Variants in WT1 observed in about 807,000 individuals in gnomAD.
WT1 encodes Wilms tumor protein.
A neutral mutation model predicts 60.8 loss-of-function variants in WT1; 8 were observed. That is an observed-to-expected ratio of 0.13 (90% CI 0.08 to 0.24). The LOEUF (loss-of-function observed/expected upper bound fraction) is 0.24. Among genes scored for constraint, WT1 ranks in the 10% least tolerant of loss-of-function variants. WT1 has a pLI of 1.00. For synonymous variants in WT1, 312 were observed against 297.1 expected, an observed-to-expected ratio of 1.05 and a Z score of -0.52; for missense variants, 568 against 711.8, an observed-to-expected ratio of 0.80 and a Z score of 2.30.
At chr11:32,427,919 C>T (rs1466096736) in intron 3 of WT1, 37 bp downstream of exon 3, 1 of 1,578,488 alleles carries the variant, frequency 6.3e-7, no homozygotes, top group African/African-American at 1.3e-5. Context: ...CCTCCGGGGT[C>T]CCAAGGACCC....
At chr11:32,411,500 T>A (rs1020430296) in intron 5 of WT1, among the ~76,000 whole-genome samples, 2 of 152,210 alleles carry the variant, frequency 1.3e-5, no homozygotes, top group Non-Finnish European at 2.9e-5. Context: ...GGAAAGGGTC[T>A]AAAATTTTGT....
intron 3 of WT1, among the ~76,000 whole-genome samples, chr11:32,420,729 A>G (rs11824258): frequency 0.33 from 50,928 of 152,042 alleles, 9,868 homozygotes; most frequent in East Asian, 0.73. Context: ...GAGGTGAAAG[A>G]GAATATGCTC....
rs541712729 is a variant in WT1, at chr11:32,425,041, G to T, written c.887+2915C>A. 2.6e-5 allele frequency among the ~76,000 whole-genome samples: 4 copies of T among 152,272 alleles called. No individual in the cohort carries two copies. The East Asian group carries it at 7.7e-4, about 29-fold the overall frequency. On this transcript the variant is annotated intron_variant, in intron 3 of 9. Coordinates refer to ENST00000452863, the MANE Select transcript of WT1 (RefSeq NM_024426.6). ...AAAAATACAAAAATTAGCTGGGCAT[G>T]GTGGCCAGCACCTATAATCTCAGCT...
chr11:32,416,184 A>G (rs1175934042), intron 5 of WT1, among the ~76,000 whole-genome samples: 1 of 152,240 alleles, frequency 6.6e-6, no homozygotes, highest in Admixed American at 6.5e-5. Flanking sequence ...ATGTGGCATT[A>G]TGGTTGTAAT....
At chr11:32,416,814 A>T (rs928886505) in intron 4 of WT1, among the ~76,000 whole-genome samples, 1 of 151,892 alleles carries the variant, frequency 6.6e-6, no homozygotes, top group African/African-American at 2.4e-5. Flanking sequence ...AAGTAACTTA[A>T]CCCTCTGAGC....
At chr11:32,427,220 G>T (rs543672023) in intron 3 of WT1, among the ~76,000 whole-genome samples, 2 of 152,256 alleles carry the variant, frequency 1.3e-5, no homozygotes, top group Non-Finnish European at 2.9e-5. Context: ...TCGCAGACGC[G>T]GGCGGCCGGC....
chr11:32,425,761 T>C (rs1427165887), intron 3 of WT1, among the ~76,000 whole-genome samples: 1 of 152,228 alleles, frequency 6.6e-6, no homozygotes, highest in African/African-American at 2.4e-5. Context: ...AGTATTTTTA[T>C]TGGATTTGTG....
rs1590395740 is a variant in WT1, at chr11:32,428,557, C to T, written c.724G>A (p.Ala242Thr). ...TTGAATGAGTGGTTGGGGAACTGCG[C>T]CGCATGGTGCGAGGGCGTGTGACCG... is the stretch of plus-strand genomic sequence containing the variant. The change falls in exon 2 of 10, where the codon GCG (alanine) becomes ACG (threonine). Residue 242 changes from alanine (A) to threonine (T), a missense_variant. Around this residue, in one of 3 missense-constraint regions of WT1, gnomAD observed 523 missense variants for 565.1 expected, o/e 0.93. Transcript: ENST00000452863. 1.2e-6 allele frequency: 2 copies of T among 1,614,094 alleles called. No individual in the cohort carries two copies. The highest frequency in any genetic ancestry group is 8.5e-7 in the Non-Finnish European group (1 of 1,180,034).
chr11:32,405,158 C>T (rs10767935), intron 5 of WT1, among the ~76,000 whole-genome samples: 42,612 of 151,932 alleles, frequency 0.28, 6,749 homozygotes, highest in East Asian at 0.68. Flanking sequence ...AAGAATGAGA[C>T]GATATTGAAC....
chr11:32,419,092 T>C (rs1444496973), intron 3 of WT1, among the ~76,000 whole-genome samples: 1 of 152,262 alleles, frequency 6.6e-6, no homozygotes, highest in African/African-American at 2.4e-5. Context: ...GCAGCTTCCC[T>C]GTTTGTAGCA....
intron 1 of WT1, among the ~76,000 whole-genome samples, chr11:32,433,722 G>T (rs954736764): frequency 6.6e-6 from 1 of 152,258 alleles, no homozygotes; most frequent in Non-Finnish European, 1.5e-5. Context: ...CCGCCCAGGC[G>T]AAAGAGAGGT....
At chr11:32,408,369 G>C (rs989668758) in intron 5 of WT1, among the ~76,000 whole-genome samples, 3 of 151,744 alleles carry the variant, frequency 2.0e-5, no homozygotes, top group African/African-American at 7.3e-5. Flanking sequence ...CAAAACATTA[G>C]CCGGGTGTCG....
intron 5 of WT1, among the ~76,000 whole-genome samples, chr11:32,411,212 C>G (rs1852489783): frequency 6.6e-6 from 1 of 152,140 alleles, no homozygotes; most frequent in African/African-American, 2.4e-5. Flanking sequence ...TATTCAGCTC[C>G]TTTCTTCTCC....
At chr11:32,405,173 A>G (rs1852270686) in intron 5 of WT1, among the ~76,000 whole-genome samples, 1 of 152,170 alleles carries the variant, frequency 6.6e-6, no homozygotes, top group South Asian at 2.1e-4. Context: ...TTGAACTCAC[A>G]GGGACGGCTA....
rs1452652735 is a variant in WT1, at chr11:32,388,965, T to A, written c.*93A>T. ...TGGATGAAGAAGATCAACTGAAGTT[T>A]CCTTTTTAGTGAGGAGGAGTGGAGA... On this transcript the variant is annotated 3_prime_UTR_variant, in exon 10 of 10. Coordinates refer to ENST00000452863, the MANE Select transcript of WT1 (RefSeq NM_024426.6). The A allele has an allele frequency of 6.3e-7, 1 of 1,599,924 alleles. No individual in the cohort carries two copies. The highest frequency in any genetic ancestry group is 8.5e-7 in the Non-Finnish European group (1 of 1,171,546).
chr11:32,433,635 G>A (rs1323554748), intron 1 of WT1, among the ~76,000 whole-genome samples: 1 of 152,264 alleles, frequency 6.6e-6, no homozygotes, highest in African/African-American at 2.4e-5. Context: ...ACTGGCTTAG[G>A]TTCTCAATAG....
At chr11:32,422,929 G>A (rs913043126) in intron 3 of WT1, among the ~76,000 whole-genome samples, 1 of 152,228 alleles carries the variant, frequency 6.6e-6, no homozygotes, top group Non-Finnish European at 1.5e-5. Flanking sequence ...GAAACAATCA[G>A]TGTGCATGGG....
chr11:32,430,381 C>T, intron 1 of WT1: 1 of 1,237,586 alleles, frequency 8.1e-7, no homozygotes, highest in Non-Finnish European at 1.1e-6. Flanking sequence ...GAGTGAAGGC[C>T]GAATTTCTGA....
chr11:32,421,911 C>T (rs1852869369), intron 3 of WT1, among the ~76,000 whole-genome samples: 1 of 152,174 alleles, frequency 6.6e-6, no homozygotes, highest in Admixed American at 6.5e-5. Context: ...TGCTGGCTGG[C>T]CAGGTAACAT....
Sources: allele counts gnomAD v4.1 joint callset (sites outside exome capture counted in the v4.1 genomes callset), GRCh38; gene constraint gnomAD v4.1.1; regional missense constraint gnomAD v4.1.1; transcripts MANE v1.5; gene names NCBI Gene and HGNC (gene_info 2026-07-23, HGNC 2026-07-21).